The following PLAGL1 variants were observed in gnomAD, a reference collection of about 807,000 sequenced individuals.
The protein encoded by PLAGL1 is zinc finger protein PLAGL1.
In PLAGL1, 1 loss-of-function variant was observed where a neutral mutation model predicts 4.6. The observed-to-expected ratio is 0.22, with a 90% CI of 0.08 to 1.03. The LOEUF is 1.03. PLAGL1 is among the 50% of genes least tolerant of loss of function. PLAGL1 has a pLI of 0.58. For missense variants in PLAGL1, 464 were observed against 570.4 expected (o/e 0.81, Z 1.90); for synonymous variants, 240 against 237.8 (o/e 1.01, Z -0.08).
intron 1 of PLAGL1, among the ~76,000 whole-genome samples, chr6:144,040,452 C>T (rs1638710126): frequency 6.6e-6 from 1 of 152,028 alleles, no homozygotes. Context: ...TCATTTGAAC[C>T]TGAGAGGCAG....
At position 144,027,230 on chromosome 6, in the gene PLAGL1, CGAACGAAAGAAA is replaced by C. The variant is rs1554277665; in HGVS notation, c.-151+37226_-151+37237del. ...CAGAGAAAGACCCCAACTCAAAGAA[CGAACGAAAGAAA>C]GAAAGAAAGAAAGAAAGAAAGAAAG... On this transcript the variant is annotated intron_variant, in intron 1 of 3. Coordinates refer to the PLAGL1 transcript ENST00000437412. This position sits in a 1 kb window ranked among gnomAD's most constrained non-coding sequence, Gnocchi z 5.8. Among the ~76,000 whole-genome samples, 189 of 99,170 alleles carry C rather than the reference CGAACGAAAGAAA, an allele frequency of 1.9e-3. 4 individuals are homozygous for C. Among genetic ancestry groups the C allele is most frequent in the Admixed American group, 5.9e-3 (48 of 8,166 alleles). 65.1% of individuals were successfully genotyped at this position (99,170 alleles called of 152,430 possible).
chr6:143,959,796 C>T lies in PLAGL1; in HGVS notation c.-325+673G>A, dbSNP rs1243199467. Among the ~76,000 whole-genome samples, 1 of 152,050 alleles carries T rather than the reference C, an allele frequency of 6.6e-6. No individual in the cohort carries two copies. Among genetic ancestry groups the T allele is most frequent in the African/African-American group, 2.4e-5 (1 of 41,396 alleles). On this transcript the variant is annotated intron_variant, in intron 6 of 7. Transcript: ENST00000674357. The surrounding 1 kb of genome is among the most constrained non-coding windows in gnomAD (Gnocchi z 5.3). Reference sequence around the variant, plus strand: ...AAAACGCCTAGCACAGAGTGAGTGCCCCAAAGGCATTAGCTTCTATTAATA... The same window carrying T: ...AAAACGCCTAGCACAGAGTGAGTGCTCCAAAGGCATTAGCTTCTATTAATA...
Position 143,952,556 on chromosome 6 carries a change from G to A in PLAGL1, c.-324-4096C>T, listed in dbSNP as rs1278248061. Among the ~76,000 whole-genome samples, 2 of 152,200 alleles carry A rather than the reference G, an allele frequency of 1.3e-5. No individual in the cohort carries two copies. The highest frequency in any genetic ancestry group is 2.9e-5 in the Non-Finnish European group (2 of 68,034). On this transcript the variant is annotated intron_variant, in intron 6 of 7. Transcript: ENST00000674357. The surrounding 1 kb of genome is among the most constrained non-coding windows in gnomAD (Gnocchi z 6.1). ...CATGTTGATTATTTTGGGGATGAGAGAGGATCAGACGGGAAGAAGAACATA... is the reference window on the plus strand; with the variant it reads ...CATGTTGATTATTTTGGGGATGAGAAAGGATCAGACGGGAAGAAGAACATA...
chr6:144,025,129 A>C lies in PLAGL1; in HGVS notation c.-151+39339T>G, dbSNP rs190101710. Among the ~76,000 whole-genome samples, 3 of 152,344 alleles carry C rather than the reference A, an allele frequency of 2.0e-5. No homozygotes were observed. In the East Asian group the frequency reaches 5.8e-4, roughly 29 times the overall value. ...ATCAAGGTCAACGTCAACAGCGACA[A>C]GTCATAGTCACAGCTGTACCCTTTT... On this transcript the variant is annotated intron_variant, in intron 1 of 3. Transcript: ENST00000437412.
intron 6 of PLAGL1, among the ~76,000 whole-genome samples, chr6:143,956,944 C>T (rs1033080883): frequency 1.3e-5 from 2 of 152,242 alleles, no homozygotes; most frequent in African/African-American, 4.8e-5. Flanking sequence ...CACCACTGGC[C>T]TTCCTCATCC....
intron 2 of PLAGL1, among the ~76,000 whole-genome samples, chr6:143,980,632 CTATT>C (rs1436858299): frequency 1.3e-5 from 2 of 152,196 alleles, no homozygotes; most frequent in African/African-American, 2.4e-5. Context: ...CTTATTAAAT[CTATT>C]TAATTTATTT....
intron 1 of PLAGL1, among the ~76,000 whole-genome samples, chr6:144,019,480 A>T (rs1487923652): frequency 6.6e-6 from 1 of 152,126 alleles, no homozygotes; most frequent in Non-Finnish European, 1.5e-5. Context: ...GAGGAAAAAA[A>T]AATGCTATAA....
At chr6:144,017,541 G>A (rs750419177) in intron 1 of PLAGL1, among the ~76,000 whole-genome samples, 1 of 152,196 alleles carries the variant, frequency 6.6e-6, no homozygotes, top group Non-Finnish European at 1.5e-5. Context: ...ACGTGATAAA[G>A]TTTTTCCATG....
chr6:144,024,674 G>A (rs764363789), intron 1 of PLAGL1, among the ~76,000 whole-genome samples: 24 of 152,092 alleles, frequency 1.6e-4, no homozygotes, highest in Admixed American at 3.9e-4. Flanking sequence ...ATACACTTGA[G>A]CATCCTGAAT....
chr6:143,977,421 T>C (rs1031224448), intron 2 of PLAGL1, among the ~76,000 whole-genome samples: 3 of 151,726 alleles, frequency 2.0e-5, no homozygotes, highest in Admixed American at 6.6e-5. Flanking sequence ...TGCCTTTTCA[T>C]GGCTTGATAG....
In PLAGL1 at chr6:143,958,884, G is replaced by A. The variant is rs546873163; in HGVS notation, c.-325+1585C>T. ...CTTAAAAAGAGTGGAACACTAGCAA[G>A]CAGGGCCTCTTCTCCTTTTCACCTT... On this transcript the variant is annotated intron_variant, in intron 6 of 7. Coordinates refer to ENST00000674357, the MANE Select transcript of PLAGL1 (RefSeq NM_001317162.2). This position sits in a 1 kb window ranked among gnomAD's most constrained non-coding sequence, Gnocchi z 5.1. 3.9e-5 allele frequency among the ~76,000 whole-genome samples: 6 copies of A among 152,312 alleles called. No homozygotes were observed. The highest frequency in any genetic ancestry group is 8.8e-5 in the Non-Finnish European group (6 of 68,018).
In PLAGL1 at chr6:143,961,187, G is replaced by GA. The variant is rs1208531576; in HGVS notation, c.-398-646dup. The GA allele has an allele frequency of 6.6e-5, 10 of 152,306 alleles. No homozygotes were observed. Among genetic ancestry groups the GA allele is most frequent in the Non-Finnish European group, 1.0e-4 (7 of 68,032 alleles). The allele number at this position is 152,306 out of a possible 1,614,324, so 9.4% of individuals were successfully genotyped here. A position where few individuals can be genotyped will look rare whatever the true frequency, so the allele number is the denominator to read the frequency against. On this transcript the variant is annotated intron_variant, in intron 5 of 7. Transcript: ENST00000674357. The surrounding 1 kb of genome is among the most constrained non-coding windows in gnomAD (Gnocchi z 6.5). ...AATTTACGTTTTTACCAAATCTACA[G>GA]AAGCCAAGTCTACAGCCAGCTTTGT...
At chr6:144,011,138 C>CA (rs1795152172), upstream of PLAGL1, among the ~76,000 whole-genome samples, 1 of 151,996 alleles carries the variant, frequency 6.6e-6, no homozygotes, top group Admixed American at 6.6e-5. This position sits in a 1 kb window ranked among gnomAD's most constrained non-coding sequence, Gnocchi z 4.3. Context: ...TTCTGCACAC[C>CA]AAAAGAAACT....
At chr6:144,001,964 C>T (rs1242592461) in intron 1 of PLAGL1, among the ~76,000 whole-genome samples, 1 of 151,822 alleles carries the variant, frequency 6.6e-6, no homozygotes, top group Non-Finnish European at 1.5e-5. Flanking sequence ...AACTAAACAC[C>T]ATGTGGTATA....
chr6:144,058,959 C>T (rs1188006497), intron 1 of PLAGL1, among the ~76,000 whole-genome samples: 2 of 152,098 alleles, frequency 1.3e-5, no homozygotes, highest in African/African-American at 2.4e-5. Context: ...GGGTGGTGGC[C>T]CCCTTCCCAC....
In PLAGL1 at chr6:144,063,275, C is replaced by G. The variant is rs1799568894; in HGVS notation, c.-151+1193G>C. Among the ~76,000 whole-genome samples, 1 of 152,194 alleles carries G rather than the reference C, an allele frequency of 6.6e-6. No individual in the cohort carries two copies. The highest frequency in any genetic ancestry group is 2.1e-4 in the South Asian group (1 of 4,832). ...CACCTCTATTACAAGTTCTCTGGGG[C>G]CACTTTACAGATGATAAAACTGGGC... On this transcript the variant is annotated intron_variant, in intron 1 of 3. Transcript: ENST00000437412. The surrounding 1 kb of genome is among the most constrained non-coding windows in gnomAD (Gnocchi z 5.7).
At chr6:144,047,541 G>T (rs541698317) in intron 1 of PLAGL1, among the ~76,000 whole-genome samples, 1 of 152,276 alleles carries the variant, frequency 6.6e-6, no homozygotes, top group South Asian at 2.1e-4. Flanking sequence ...AGGGGAAGAG[G>T]CATGGCTTAT....
chr6:143,998,770 G>A (rs1792215309), intron 1 of PLAGL1, among the ~76,000 whole-genome samples: 1 of 152,166 alleles, frequency 6.6e-6, no homozygotes, highest in African/African-American at 2.4e-5. Flanking sequence ...TTGAAAATTA[G>A]TTGGGGAGAA....
intron 1 of PLAGL1, among the ~76,000 whole-genome samples, chr6:143,988,601 T>G (rs1313831212): frequency 6.6e-6 from 1 of 152,258 alleles, no homozygotes; most frequent in Non-Finnish European, 1.5e-5. Flanking sequence ...AAACTGACCA[T>G]GCCTGCCTTG....
Sources: allele counts gnomAD v4.1 joint callset (sites outside exome capture counted in the v4.1 genomes callset), GRCh38; gene constraint gnomAD v4.1.1; non-coding constraint Gnocchi (gnomAD v3.1); transcripts MANE v1.5; gene names NCBI Gene and HGNC (gene_info 2026-07-23, HGNC 2026-07-21).